The following OR1F1 variants were observed in gnomAD, a reference collection of about 807,000 sequenced individuals.
OR1F1 encodes olfactory receptor 1F1.
For missense variants in OR1F1, 493 were observed against 376.3 expected (o/e 1.31, Z -2.57); for synonymous variants, 184 against 156.7 (o/e 1.17, Z -1.30).
chr16:3,200,234 G>A (rs1261795447), upstream of OR1F1, among the ~76,000 whole-genome samples: 1 of 152,126 alleles, frequency 6.6e-6, no homozygotes, highest in African/African-American at 2.4e-5. Context: ...CACAAGTGCT[G>A]TAGCTGTGAA....
chr16:3,195,427 C>T, the OR1F1 span, among the ~76,000 whole-genome samples: 7 of 152,136 alleles, frequency 4.6e-5, no homozygotes, highest in African/African-American at 1.7e-4. Context: ...CAGGGCCCGG[C>T]GCGGTGGCTC....
At chr16:3,205,270 A>G (rs1402996872), downstream of OR1F1, 1 of 954,656 alleles carries the variant, frequency 1.0e-6, no homozygotes. Flanking sequence ...TCATTAAATG[A>G]TGTTCTTGCT....
chr16:3,190,665 C>T, the OR1F1 span, among the ~76,000 whole-genome samples: 11 of 150,196 alleles, frequency 7.3e-5, no homozygotes, highest in East Asian at 1.6e-3. Flanking sequence ...GCAGGAGAAT[C>T]GCTTGAACCC....
the OR1F1 span, among the ~76,000 whole-genome samples, chr16:3,192,661 G>T: frequency 6.6e-6 from 1 of 152,202 alleles, no homozygotes; most frequent in Non-Finnish European, 1.5e-5. Context: ...GCCTCAAGGG[G>T]AGGGTTTTGT....
the OR1F1 span, among the ~76,000 whole-genome samples, chr16:3,192,713 G>A: frequency 6.6e-6 from 1 of 152,118 alleles, no homozygotes; most frequent in Non-Finnish European, 1.5e-5. Flanking sequence ...GGAAAAGCGA[G>A]GTGCAGGGTA....
chr16:3,204,670 G>A (rs1207884952), exon 1 of OR1F1: 2 of 1,614,034 alleles, frequency 1.2e-6, no homozygotes, highest in Admixed American at 1.7e-5. Flanking sequence ...TCAGCTCTGT[G>A]CCCTGCTGGT....
chr16:3,190,596 C>A, the OR1F1 span, among the ~76,000 whole-genome samples: 1 of 151,904 alleles, frequency 6.6e-6, no homozygotes, highest in African/African-American at 2.4e-5. Flanking sequence ...ACTGAAAATA[C>A]AAAAATTAGT....
chr16:3,198,183 T>G, the OR1F1 span, among the ~76,000 whole-genome samples: 20 of 141,954 alleles, frequency 1.4e-4, no homozygotes, highest in African/African-American at 2.1e-4. Context: ...GAGAGAGAGA[T>G]TATAAGGAAT....
At chr16:3,204,994 C>G (rs1362851774) in exon 1 of OR1F1, 2 of 1,614,166 alleles carry the variant, frequency 1.2e-6, no homozygotes, top group African/African-American at 1.3e-5. Context: ...TGTGGTTCTC[C>G]TCTTCTACAG....
At chr16:3,191,989 G>A in the OR1F1 span, among the ~76,000 whole-genome samples, 1 of 152,198 alleles carries the variant, frequency 6.6e-6, no homozygotes, top group Non-Finnish European at 1.5e-5. Flanking sequence ...CTGCTGCTGT[G>A]GCTCGTTGGT....
chr16:3,197,119 G>T, the OR1F1 span, among the ~76,000 whole-genome samples: 7 of 150,518 alleles, frequency 4.7e-5, no homozygotes, highest in Non-Finnish European at 1.0e-4. Context: ...CAGGTGATCC[G>T]CTCTCCTCAG....
the OR1F1 span, among the ~76,000 whole-genome samples, chr16:3,194,220 T>G: frequency 6.6e-6 from 1 of 152,352 alleles, no homozygotes; most frequent in East Asian, 1.9e-4. Context: ...AAAAGCAATG[T>G]ACAGCTTTTG....
At chr16:3,194,543 G>A in the OR1F1 span, among the ~76,000 whole-genome samples, 1 of 151,640 alleles carries the variant, frequency 6.6e-6, no homozygotes, top group Non-Finnish European at 1.5e-5. Flanking sequence ...CCACGGGAGA[G>A]ATGTATGACA....
At chr16:3,191,162 G>A in the OR1F1 span, 1 of 152,196 alleles carries the variant, frequency 6.6e-6, no homozygotes, top group Non-Finnish European at 1.5e-5. Context: ...TGTAATTCGA[G>A]TGGCCTCCAA....
At chr16:3,202,938 T>C (rs1026104278), upstream of OR1F1, among the ~76,000 whole-genome samples, 2 of 152,074 alleles carry the variant, frequency 1.3e-5, no homozygotes, top group African/African-American at 2.4e-5. Context: ...AATTGAGTGC[T>C]GGTCTGTGAA....
At chr16:3,195,496 A>G in the OR1F1 span, among the ~76,000 whole-genome samples, 3 of 152,158 alleles carry the variant, frequency 2.0e-5, no homozygotes, top group Middle Eastern at 0.01. Context: ...CCTGGCTAAC[A>G]TGGTGAAACC....
In OR1F1 at chr16:3,204,428, T is replaced by A. The variant is rs61731434; in HGVS notation, c.182T>A (p.Phe61Tyr). The stretch of plus-strand genomic sequence containing the variant: ...TCCTGCCTGCACACCCCCATGTACT[T>A]CTTCCTCAGCAACCTGTCTTTTGTG... Residue 61 changes from phenylalanine to tyrosine, a missense_variant, in exon 1 of 1, where the codon TTC becomes TAC. Physicochemically the swap from Phe to Tyr is conservative, Grantham distance 22. Transcript: ENST00000304646. 5 of 1,614,104 alleles carry A rather than the reference T, an allele frequency of 3.1e-6. No homozygotes were observed. The South Asian group carries it at 5.5e-5, about 18-fold the overall frequency.
exon 1 of OR1F1, chr16:3,204,624 G>A: frequency 2.5e-6 from 4 of 1,614,108 alleles, no homozygotes; most frequent in Non-Finnish European, 3.4e-6. Flanking sequence ...TTGTCGCCGT[G>A]TGCCACCCCT....
At chr16:3,204,562 A>T in exon 1 of OR1F1, 4 of 1,614,132 alleles carry the variant, frequency 2.5e-6, no homozygotes, top group Non-Finnish European at 3.4e-6. Flanking sequence ...TTTCGTTTTC[A>T]TGTTCGTGGA....
Sources: gnomAD v4.1 joint callset for allele counts (sites outside exome capture counted in the v4.1 genomes callset) on GRCh38, gnomAD v4.1.1 for gene constraint, MANE v1.5 for transcripts, NCBI Gene and HGNC (gene_info 2026-07-23, HGNC 2026-07-21) for gene names.